The following PRMT8 variants were observed in gnomAD, a reference collection of about 807,000 sequenced individuals.
PRMT8 encodes the protein protein arginine methyltransferase 8.
In PRMT8, 7 loss-of-function variants were observed where a neutral mutation model predicts 47.1. That is an observed-to-expected ratio of 0.15 (90% CI 0.08 to 0.28). The LOEUF is 0.28. Among genes scored for constraint, PRMT8 ranks in the 10% least tolerant of loss-of-function variants. The pLI, the probability that PRMT8 is intolerant of heterozygous loss-of-function variation, is 1.00. For synonymous variants in PRMT8, 188 were observed against 186.5 expected (o/e 1.01, Z -0.07); for missense variants, 237 against 505.4 (o/e 0.47, Z 5.09).
At chr12:3,544,389 A>G (rs1342612121) in intron 2 of PRMT8, among the ~76,000 whole-genome samples, 13 of 152,352 alleles carry the variant, frequency 8.5e-5, no homozygotes, top group African/African-American at 2.9e-4. Context: ...GACAAAGGCA[A>G]TGAACTAAAG....
intron 1 of PRMT8, among the ~76,000 whole-genome samples, chr12:3,399,011 G>A (rs1033096640): frequency 7.9e-5 from 12 of 152,188 alleles, no homozygotes; most frequent in African/African-American, 9.6e-5. Flanking sequence ...CAGGCTGGAG[G>A]TTAAGGTGTC....
chr12:3,428,106 A>G (rs896595110), intron 1 of PRMT8, among the ~76,000 whole-genome samples: 5 of 152,330 alleles, frequency 3.3e-5, no homozygotes, highest in African/African-American at 4.8e-5. Flanking sequence ...GGAACCATCT[A>G]TCATCCTGTC....
In PRMT8 at chr12:3,549,992, C is replaced by G; in HGVS notation, c.318C>G (p.Asn106Lys). 6.2e-7 allele frequency: 1 copy of G among 1,614,220 alleles called. No individual in the cohort carries two copies. The highest frequency in any genetic ancestry group is 8.5e-7 in the Non-Finnish European group (1 of 1,180,040). ...CTTACCGGAACTCCATGTACCACAA[C>G]AAGCACGTGTTCAAGGACAAAGTGG... Reference protein sequence around the residue: ...TLTYRNSMYHNKHVFKDKVVL... With the variant: ...TLTYRNSMYHKKHVFKDKVVL... Residue 106 changes from asparagine (N) to lysine (K), a missense_variant, in exon 3 of 10, where the codon AAC becomes AAG. Around this residue, in one of 5 missense-constraint regions of PRMT8, gnomAD observed 32 missense variants for 73.7 expected, o/e 0.43. Transcript: ENST00000382622.
chr12:3,385,329 C>G (rs1315915741), intron 1 of PRMT8, among the ~76,000 whole-genome samples: 1 of 152,190 alleles, frequency 6.6e-6, no homozygotes, highest in Non-Finnish European at 1.5e-5. Flanking sequence ...CATACCACTT[C>G]CCCAGGAAAG....
intron 1 of PRMT8, among the ~76,000 whole-genome samples, chr12:3,515,285 T>G (rs960973261): frequency 2.0e-5 from 3 of 152,164 alleles, no homozygotes; most frequent in African/African-American, 7.2e-5. Context: ...CAGACCTGGT[T>G]TGCAAAGTTA....
At chr12:3,419,454 C>T (rs1260046224) in intron 1 of PRMT8, among the ~76,000 whole-genome samples, 1 of 152,186 alleles carries the variant, frequency 6.6e-6, no homozygotes, top group Non-Finnish European at 1.5e-5. Context: ...TTTCTTTTAC[C>T]TGCTCATCTA....
At chr12:3,415,689 G>A (rs542039197) in intron 1 of PRMT8, among the ~76,000 whole-genome samples, 9 of 152,270 alleles carry the variant, frequency 5.9e-5, no homozygotes, top group Admixed American at 6.5e-5. Context: ...AAGGAAGGTG[G>A]GGCTACAGAG....
At chr12:3,505,615 A>T (rs1446314120) in intron 1 of PRMT8, among the ~76,000 whole-genome samples, 1 of 152,234 alleles carries the variant, frequency 6.6e-6, no homozygotes, top group Non-Finnish European at 1.5e-5. Context: ...AGCAACTCTT[A>T]TTAATTCTGT....
At chr12:3,533,101 A>G (rs1431135713) in intron 1 of PRMT8, among the ~76,000 whole-genome samples, 2 of 151,796 alleles carry the variant, frequency 1.3e-5, no homozygotes, top group Non-Finnish European at 2.9e-5. Context: ...CCAGAGTTAG[A>G]GTCAGAGATT....
chr12:3,560,422 C>A (rs956397741), intron 4 of PRMT8, among the ~76,000 whole-genome samples: 4 of 152,218 alleles, frequency 2.6e-5, no homozygotes, highest in Non-Finnish European at 2.9e-5. Context: ...AGGCACGCAG[C>A]CTTCACATGG....
Position 3,593,363 on chromosome 12 carries a change from C to T in PRMT8, c.*181C>T, listed in dbSNP as rs987110155. On this transcript the variant is annotated 3_prime_UTR_variant, in exon 10 of 10. Coordinates refer to ENST00000382622, the MANE Select transcript of PRMT8 (RefSeq NM_019854.5). The surrounding 1 kb of genome is among the most constrained non-coding windows in gnomAD (Gnocchi z 4.8). The stretch of plus-strand genomic sequence containing the variant: ...GCTCTGCCACTGGACAGAAGGCCTC[C>T]AGCTCCTCCGCTCTGCCCTGGTAGC... 4.3e-5 allele frequency: 25 copies of T among 586,836 alleles called. No homozygotes were observed. Among genetic ancestry groups the T allele is most frequent in the Non-Finnish European group, 7.2e-5 (24 of 335,350 alleles). The allele number at this position is 586,836 out of a possible 1,614,324, so 36.4% of individuals were successfully genotyped here.
Position 3,572,120 on chromosome 12 carries a change from G to T in PRMT8, c.712+2556G>T, listed in dbSNP as rs1866856742. 6.6e-6 allele frequency among the ~76,000 whole-genome samples: 1 copy of T among 151,942 alleles called. No individual in the cohort carries two copies. The highest frequency in any genetic ancestry group is 6.6e-5 in the Admixed American group (1 of 15,256). On this transcript the variant is annotated intron_variant, in intron 6 of 9. Transcript: ENST00000382622. This position sits in a 1 kb window ranked among gnomAD's most constrained non-coding sequence, Gnocchi z 5.9. ...CTTTCTCAACCACACACAGCAACAT[G>T]GGAGTGCAAGAATGAGGTCAGTGCA...
chr12:3,440,246 G>A (rs1043878904), intron 1 of PRMT8, among the ~76,000 whole-genome samples: 1 of 152,124 alleles, frequency 6.6e-6, no homozygotes, highest in African/African-American at 2.4e-5. Flanking sequence ...GGATCATGAG[G>A]TCAGGAGATC....
In PRMT8 at chr12:3,514,415, C is replaced by A. The variant is rs570816977; in HGVS notation, c.75+22715C>A. Among the ~76,000 whole-genome samples the A allele has an allele frequency of 2.6e-5, 4 of 152,246 alleles. No homozygotes were observed. The South Asian group carries it at 8.3e-4, about 32-fold the overall frequency. ...TGTGGCTGGCATTCGGGCTGCAAGA[C>A]GTGGTTTAGAGAGGGGTTGCTCACC... On this transcript the variant is annotated intron_variant, in intron 1 of 9. Coordinates refer to ENST00000382622, the MANE Select transcript of PRMT8 (RefSeq NM_019854.5). The surrounding 1 kb of genome is among the most constrained non-coding windows in gnomAD (Gnocchi z 5.9).
chr12:3,381,422 A>T lies in PRMT8; in HGVS notation c.28A>T (p.Lys10Ter). ...GGAGTCTCTGGCTTCAGATGGATTC[A>T]AGCTGAAAGAGGTTTCTTCTGTAAG... The change falls in exon 1 of 10, where the codon AAG becomes TAG. Residue 10 changes from lysine to a stop codon, truncating the protein, a stop_gained. Transcript: ENST00000452611. LOFTEE classifies it high-confidence loss of function. 1 of 1,536,128 alleles carries T rather than the reference A, an allele frequency of 6.5e-7. No individual in the cohort carries two copies. Among genetic ancestry groups the T allele is most frequent in the Non-Finnish European group, 8.7e-7 (1 of 1,146,884 alleles).
At chr12:3,483,301 T>C (rs11062678) in intron 1 of PRMT8, among the ~76,000 whole-genome samples, 49,395 of 152,042 alleles carry the variant, frequency 0.32, 8,242 homozygotes, top group Admixed American at 0.37. Flanking sequence ...TTCTCATACT[T>C]GCCTGCAGGG....
chr12:3,394,537 A>T (rs2137047296), intron 1 of PRMT8, among the ~76,000 whole-genome samples: 1 of 152,162 alleles, frequency 6.6e-6, no homozygotes, highest in African/African-American at 2.4e-5. Context: ...ATATTGAACC[A>T]GCCTTGCATC....
intron 1 of PRMT8, among the ~76,000 whole-genome samples, chr12:3,533,055 A>T (rs1212633724): frequency 6.6e-6 from 1 of 152,210 alleles, no homozygotes; most frequent in African/African-American, 2.4e-5. Flanking sequence ...CTCTAAGGTA[A>T]GAAAACCCTA....
Position 3,492,580 on chromosome 12 carries a change from C to T in PRMT8, c.75+880C>T, listed in dbSNP as rs1419174060. Among the ~76,000 whole-genome samples the T allele has an allele frequency of 6.6e-6, 1 of 152,222 alleles. No homozygotes were observed. The highest frequency in any genetic ancestry group is 2.4e-5 in the African/African-American group (1 of 41,462). ...CTCTACTCTCCAGCTGGCCCTGAGCCGCAGAGAGCCCTGCTGGGCTTTGCG... is the reference window on the plus strand; with the variant it reads ...CTCTACTCTCCAGCTGGCCCTGAGCTGCAGAGAGCCCTGCTGGGCTTTGCG... On this transcript the variant is annotated intron_variant, in intron 1 of 9. Coordinates refer to ENST00000382622, the MANE Select transcript of PRMT8 (RefSeq NM_019854.5). The surrounding 1 kb of genome is among the most constrained non-coding windows in gnomAD (Gnocchi z 7.5).
Sources: allele counts gnomAD v4.1 joint callset (sites outside exome capture counted in the v4.1 genomes callset), GRCh38; gene constraint gnomAD v4.1.1; regional missense constraint gnomAD v4.1.1; non-coding constraint Gnocchi (gnomAD v3.1); transcripts MANE v1.5; gene names NCBI Gene and HGNC (gene_info 2026-07-23, HGNC 2026-07-21).